RUBCN: variants seen among roughly 807,000 people sequenced by gnomAD.
RUBCN encodes rubicon autophagy regulator, also known as run domain Beclin-1-interacting and cysteine-rich domain-containing protein.
A neutral mutation model predicts 113.2 loss-of-function variants in RUBCN; 74 were observed. The observed-to-expected ratio is 0.65, with a 90% CI of 0.54 to 0.79. The LOEUF (loss-of-function observed/expected upper bound fraction) is 0.79, where lower values mean the gene tolerates loss of function less well. RUBCN is among the 30% of genes least tolerant of loss of function. The pLI is 0.00. For missense variants in RUBCN, 1,109 were observed against 1,251.7 expected, an observed-to-expected ratio of 0.89 and a Z score of 1.72; for synonymous variants, 480 against 490.0, an observed-to-expected ratio of 0.98 and a Z score of 0.27.
chr3:197,704,880 A>AG (rs1486587783), intron 3 of RUBCN, among the ~76,000 whole-genome samples, 179 bp from the exon 4 acceptor site: 1 of 151,786 alleles, frequency 6.6e-6, no homozygotes, highest in Non-Finnish European at 1.5e-5. Context: ...CCTTCCCCAG[A>AG]GGAGAAAAAG....
chr3:197,680,558 G>A (rs149117177), intron 16 of RUBCN, among the ~76,000 whole-genome samples: 1 of 151,970 alleles, frequency 6.6e-6, no homozygotes, highest in African/African-American at 2.4e-5. Flanking sequence ...ACTGTCTTAC[G>A]CTCTAACTGA....
At position 197,726,940 on chromosome 3, in the gene RUBCN, A is replaced by ATTT. The variant is rs1169226625; in HGVS notation, c.66-8813_66-8811dup. 1.2e-3 allele frequency among the ~76,000 whole-genome samples: 159 copies of ATTT among 131,770 alleles called. 1 individual carries two copies. Among genetic ancestry groups the ATTT allele is most frequent in the Middle Eastern group, 4.2e-3 (1 of 238 alleles). The allele number at this position is 131,770 out of a possible 152,430, so 86.4% of individuals were successfully genotyped here. On this transcript the variant is annotated intron_variant, in intron 1 of 19. Coordinates refer to ENST00000296343, the MANE Select transcript of RUBCN (RefSeq NM_014687.4). ...TGCTCACAAACTAGATGCACATTCT[A>ATTT]TTTTTTTTTTTTTTTTTGAGACTGA...
chr3:197,746,624 AC>A (rs1192557383), intron 1 of RUBCN, among the ~76,000 whole-genome samples: 2 of 152,230 alleles, frequency 1.3e-5, no homozygotes, highest in African/African-American at 4.8e-5. Context: ...TTTATCTGAA[AC>A]GTGGGACATA....
At position 197,692,114 on chromosome 3, in the gene RUBCN, C is replaced by T. The variant is rs547375913; in HGVS notation, c.1786+1601G>A. ...AGGGTTAGAGCTTTTACTCCCCCAT[C>T]GCCTCCAGGGAGGGGAGAGGGATCG... On this transcript the variant is annotated intron_variant, in intron 11 of 19. Coordinates refer to ENST00000296343, the MANE Select transcript of RUBCN (RefSeq NM_014687.4). Among the ~76,000 whole-genome samples the T allele has an allele frequency of 5.9e-5, 9 of 152,166 alleles. No homozygotes were observed. The East Asian group carries it at 7.8e-4, about 13-fold the overall frequency.
upstream of RUBCN, among the ~76,000 whole-genome samples, chr3:197,738,550 G>A (rs1240796281): frequency 2.0e-5 from 3 of 151,970 alleles, no homozygotes; most frequent in Admixed American, 1.3e-4. Flanking sequence ...TTTAAGAAAG[G>A]GGCAATATTA....
chr3:197,733,030 CA>C (rs1256112835), intron 1 of RUBCN, among the ~76,000 whole-genome samples: 3 of 152,334 alleles, frequency 2.0e-5, no homozygotes, highest in African/African-American at 4.8e-5. Flanking sequence ...CCTACTCAGG[CA>C]GGTTACGTAA....
Position 197,736,676 on chromosome 3 carries a change from T to A in RUBCN, c.44A>T (p.Glu15Val). The change falls in exon 1 of 20, where the codon GAG becomes GTG. Residue 15 changes from glutamate (E) to valine (V), a missense_variant. Glu to Val is a moderately radical substitution (Grantham distance 121). Around this residue, in one of 3 missense-constraint regions of RUBCN, gnomAD observed 736 missense variants for 779.6 expected, o/e 0.94. Coordinates refer to ENST00000296343, the MANE Select transcript of RUBCN (RefSeq NM_014687.4). ...GAGMELGGGE[E>V]RLPEESRREH... Reference sequence around the variant, plus strand: ...CCACCTGCTCTCCTCAGGCAGGCGCTCCTCGCCGCCTCCGAGCTCCATTCC... The same window carrying A: ...CCACCTGCTCTCCTCAGGCAGGCGCACCTCGCCGCCTCCGAGCTCCATTCC... 6.5e-7 allele frequency: 1 copy of A among 1,531,778 alleles called. No homozygotes were observed. The highest frequency in any genetic ancestry group is 2.3e-4 in the Middle Eastern group (1 of 4,392). The allele number at this position is 1,531,778 out of a possible 1,614,324, so 94.9% of individuals were successfully genotyped here.
chr3:197,730,505 A>T (rs914850027), intron 1 of RUBCN, among the ~76,000 whole-genome samples: 2 of 152,136 alleles, frequency 1.3e-5, no homozygotes, highest in African/African-American at 2.4e-5. Flanking sequence ...GCCCAGAGAC[A>T]GAGACAAATT....
chr3:197,715,602 A>G (rs1725437609), intron 2 of RUBCN, among the ~76,000 whole-genome samples: 1 of 152,176 alleles, frequency 6.6e-6, no homozygotes, highest in Non-Finnish European at 1.5e-5. Context: ...GACAGATGCT[A>G]CCTCATTTCA....
rs373060659 is a variant in RUBCN, at chr3:197,670,831, ATG to A, written c.*4185_*4186del. 1.3e-5 allele frequency among the ~76,000 whole-genome samples: 2 copies of A among 152,338 alleles called. No individual in the cohort carries two copies. Among genetic ancestry groups the A allele is most frequent in the African/African-American group, 4.8e-5 (2 of 41,562 alleles). ...ATAAAGTGACTGAAGGACATTTGGG[ATG>A]TGTGTCCTCTGATGATGACTGCTGG... On this transcript the variant is annotated 3_prime_UTR_variant, in exon 20 of 20. Coordinates refer to ENST00000296343, the MANE Select transcript of RUBCN (RefSeq NM_014687.4).
intron 11 of RUBCN, among the ~76,000 whole-genome samples, chr3:197,686,248 C>G (rs761144843): frequency 6.6e-6 from 1 of 150,460 alleles, no homozygotes. Context: ...AGAGAAGAAA[C>G]CTTTTTTTTT....
Position 197,683,222 on chromosome 3 carries a change from C to T in RUBCN, c.1980+85G>A. The stretch of plus-strand genomic sequence containing the variant: ...TAAGGGGGGAACACCCAGGCTCATT[C>T]CAGACTAGGGACATGTGACGAAGGA... On this transcript the variant is annotated intron_variant, in intron 13 of 19. Transcript: ENST00000296343. This position sits in a 1 kb window ranked among gnomAD's most constrained non-coding sequence, Gnocchi z 4.6. 1 of 1,548,764 alleles carries T rather than the reference C, an allele frequency of 6.5e-7. No individual in the cohort carries two copies. The highest frequency in any genetic ancestry group is 8.9e-7 in the Non-Finnish European group (1 of 1,120,726).
chr3:197,742,358 T>C (rs2109023191), intron 1 of RUBCN, among the ~76,000 whole-genome samples: 1 of 152,102 alleles, frequency 6.6e-6, no homozygotes, highest in East Asian at 2.0e-4. Context: ...CTGGGCTTGG[T>C]GGCGGACGCC....
chr3:197,696,911 A>C, intron 8 of RUBCN, 43 bp downstream of exon 8: 1 of 1,053,648 alleles, frequency 9.5e-7, no homozygotes, highest in Non-Finnish European at 1.5e-6. Context: ...AGGGGTGAGC[A>C]GAGAAAATAT....
exon 1 of RUBCN, chr3:197,749,668 T>A: frequency 2.7e-6 from 2 of 745,686 alleles, no homozygotes; most frequent in South Asian, 1.4e-5. Flanking sequence ...CGGTCTAGCA[T>A]CCCCCAGTTT....
chr3:197,697,070 C>A, intron 7 of RUBCN, 21 bp from the exon 8 acceptor site: 5 of 1,219,932 alleles, frequency 4.1e-6, no homozygotes, highest in Non-Finnish European at 6.1e-6. Context: ...TGACCACCAG[C>A]GAGTAAAAAC....
intron 1 of RUBCN, among the ~76,000 whole-genome samples, chr3:197,719,476 C>CA (rs369029082): frequency 0.18 from 9,575 of 53,620 alleles, 680 homozygotes; most frequent in African/African-American, 0.21. Flanking sequence ...GAGATTGTCT[C>CA]AAAAAAAAAA....
chr3:197,733,749 T>C (rs1727786805), intron 1 of RUBCN, among the ~76,000 whole-genome samples: 1 of 152,200 alleles, frequency 6.6e-6, no homozygotes, highest in South Asian at 2.1e-4. Context: ...AGTGACTTTG[T>C]GAGGATAACC....
Position 197,675,302 on chromosome 3 carries a change from C to T in RUBCN, c.2741-106G>A, listed in dbSNP as rs1185307704. 6.5e-7 allele frequency: 1 copy of T among 1,529,944 alleles called. No homozygotes were observed. Among genetic ancestry groups the T allele is most frequent in the Non-Finnish European group, 9.0e-7 (1 of 1,105,080 alleles). The allele number at this position is 1,529,944 out of a possible 1,614,324, so 94.8% of individuals were successfully genotyped here. The stretch of plus-strand genomic sequence containing the variant: ...CTTCTCGCCACCAAGGCGTGGTGTC[C>T]CCTGGGGAGGCCCCGCGAGGTGCTG... On this transcript the variant is annotated intron_variant, in intron 19 of 19. Coordinates refer to ENST00000296343, the MANE Select transcript of RUBCN (RefSeq NM_014687.4). The surrounding 1 kb of genome is among the most constrained non-coding windows in gnomAD (Gnocchi z 4.4).
Sources: allele counts gnomAD v4.1 joint callset (sites outside exome capture counted in the v4.1 genomes callset), GRCh38; gene constraint gnomAD v4.1.1; regional missense constraint gnomAD v4.1.1; non-coding constraint Gnocchi (gnomAD v3.1); transcripts MANE v1.5; gene names NCBI Gene and HGNC (gene_info 2026-07-23, HGNC 2026-07-21).